Variants in KIAA1671 observed in about 807,000 individuals in gnomAD.
The protein encoded by KIAA1671 is KIAA1671.
A neutral mutation model predicts 131.2 loss-of-function variants in KIAA1671; 52 were observed. The ratio of observed to expected loss-of-function variants is 0.40; its 90% confidence interval spans 0.32 to 0.50. KIAA1671 has a LOEUF of 0.50. Ranked by LOEUF, KIAA1671 falls within the 20% of genes least tolerant of loss-of-function variation. The pLI is 0.73. For missense variants in KIAA1671, 2,360 were observed against 2,364.2 expected (o/e 1.00, Z 0.04); for synonymous variants, 1,003 against 961.6 (o/e 1.04, Z -0.80).
chr22:25,037,843 A>T (rs56171101), intron 4 of KIAA1671, among the ~76,000 whole-genome samples: 13,297 of 151,850 alleles, frequency 0.088, 1,913 homozygotes, highest in African/African-American at 0.3. Flanking sequence ...AATTCCTTTT[A>T]TTTATTTATT....
chr22:25,186,396 A>G (rs1336445916), intron 11 of KIAA1671: 1 of 152,236 alleles, frequency 6.6e-6, no homozygotes, highest in African/African-American at 2.4e-5. Flanking sequence ...ATTGCACTCC[A>G]GCCTGGACTA....
chr22:25,028,976 A>G lies in KIAA1671; in HGVS notation c.977A>G (p.Asp326Gly). The G allele has an allele frequency of 6.5e-7, 1 of 1,537,640 alleles. No individual in the cohort carries two copies. Among genetic ancestry groups the G allele is most frequent in the Non-Finnish European group, 8.8e-7 (1 of 1,140,616 alleles). Residue 326 changes from aspartate (D) to glycine (G), a missense_variant, in exon 3 of 13, where the codon GAC (aspartate) becomes GGC (glycine). Physicochemically the swap from Asp to Gly is moderately conservative, Grantham distance 94. This residue lies in a region of KIAA1671 where 1,185 missense variants were observed against 1,126.2 expected (regional missense o/e 1.05). Transcript: ENST00000358431. ...AGGCCCAGAGCAGCGTCCAAGCTGG[A>G]CAGGGACTGTTTGGTCAAGGCGGAG... ...LERPRAASKL[D>G]RDCLVKAEAP...
intron 6 of KIAA1671, among the ~76,000 whole-genome samples, chr22:25,093,763 TCTCTGTC>T: frequency 1.7e-5 from 2 of 114,790 alleles, no homozygotes; most frequent in Admixed American, 8.2e-5. Flanking sequence ...TCTCTCTCTC[TCTCTGTC>T]TCTCTCTCTC....
At chr22:25,026,624 G>A (rs1048925347) in intron 2 of KIAA1671, among the ~76,000 whole-genome samples, 40 of 152,188 alleles carry the variant, frequency 2.6e-4, no homozygotes, top group Middle Eastern at 3.4e-3. Flanking sequence ...CAGCTACTCC[G>A]GAAGCTGAGG....
chr22:25,174,374 G>A lies in KIAA1671; in HGVS notation c.4784G>A (p.Arg1595Gln), dbSNP rs573991139. Residue 1595 changes from arginine (R) to glutamine (Q), a missense_variant, in exon 8 of 13, where the codon CGG (arginine) becomes CAG (glutamine). Transcript: ENST00000358431. Reference protein sequence around the residue: ...GDQYDCSRDQRSTSVDHSSTD... With the variant: ...GDQYDCSRDQQSTSVDHSSTD... ...CAGTATGACTGCTCCAGGGACCAGC[G>A]GAGCACCAGCGTGGACCACTCCAGC... 71 of 1,551,914 alleles carry A rather than the reference G, an allele frequency of 4.6e-5. 1 individual carries two copies. The South Asian group carries it at 5.1e-4, about 11-fold the overall frequency.
At chr22:24,958,431 C>T (rs1921832366) in intron 1 of KIAA1671, among the ~76,000 whole-genome samples, 1 of 152,014 alleles carries the variant, frequency 6.6e-6, no homozygotes, top group Admixed American at 6.6e-5. Context: ...GGGCGGATCA[C>T]CTGAGGTCAG....
intron 1 of KIAA1671, among the ~76,000 whole-genome samples, chr22:24,963,564 G>A (rs954773426): frequency 5.3e-5 from 8 of 151,892 alleles, no homozygotes; most frequent in Non-Finnish European, 8.8e-5. Context: ...TGTTCAGATG[G>A]GCCACTGTGT....
At chr22:25,083,419 A>G (rs1475610538) in intron 6 of KIAA1671, among the ~76,000 whole-genome samples, 2 of 139,626 alleles carry the variant, frequency 1.4e-5, no homozygotes, top group Admixed American at 6.9e-5. Flanking sequence ...TAGGGCTTCA[A>G]TATGTGAATT....
At chr22:25,052,889 G>A (rs1927615473) in intron 6 of KIAA1671, 1 of 152,070 alleles carries the variant, frequency 6.6e-6, no homozygotes, top group African/African-American at 2.4e-5. Context: ...GCTGATTTTT[G>A]TATTTTCAGT....
intron 6 of KIAA1671, among the ~76,000 whole-genome samples, chr22:25,126,598 G>C (rs905486761): frequency 3.3e-5 from 5 of 152,214 alleles, no homozygotes; most frequent in Admixed American, 1.3e-4. Context: ...TCATGGAGGA[G>C]TTCCTGAGCC....
At chr22:25,177,643 G>A in intron 9 of KIAA1671, 121 bp downstream of exon 9, 1 of 810,390 alleles carries the variant, frequency 1.2e-6, no homozygotes, top group South Asian at 2.4e-5. Flanking sequence ...CAATTACATA[G>A]GAAACTGATT....
chr22:24,974,467 T>A lies in KIAA1671; in HGVS notation c.-208+21695T>A, dbSNP rs557489294. ...GCTTAAGTCATTAGCCCATGGTCAG[T>A]CGGCTAGGAGGTGGTGGAGCTGGGA... On this transcript the variant is annotated intron_variant, in intron 1 of 12. Transcript: ENST00000358431. Among the ~76,000 whole-genome samples, 6 of 152,138 alleles carry A rather than the reference T, an allele frequency of 3.9e-5. No individual in the cohort carries two copies. In the East Asian group the frequency reaches 1.2e-3, roughly 29 times the overall value.
chr22:25,046,359 C>G (rs1034778986), intron 5 of KIAA1671, among the ~76,000 whole-genome samples: 20 of 134,752 alleles, frequency 1.5e-4, no homozygotes, highest in African/African-American at 7.8e-4. Flanking sequence ...GTGAGGGTTT[C>G]TTGATTTACA....
chr22:25,128,060 T>C (rs1932266016), intron 6 of KIAA1671, among the ~76,000 whole-genome samples: 1 of 152,170 alleles, frequency 6.6e-6, no homozygotes, highest in African/African-American at 2.4e-5. Flanking sequence ...AGTTGTGATA[T>C]CCTTGCATTT....
At chr22:25,170,515 AGAG>A (rs1343274132) in intron 6 of KIAA1671, among the ~76,000 whole-genome samples, 1 of 152,232 alleles carries the variant, frequency 6.6e-6, no homozygotes, top group African/African-American at 2.4e-5. Context: ...TGAGGAGGAG[AGAG>A]GGCCATTGAG....
intron 6 of KIAA1671, among the ~76,000 whole-genome samples, chr22:25,131,665 C>T (rs9612872): frequency 0.048 from 7,328 of 152,314 alleles, 254 homozygotes; most frequent in Non-Finnish European, 0.075. Flanking sequence ...TTTTGTTTGT[C>T]GTGTGGGGCA....
At chr22:24,975,215 A>G (rs1922851527) in intron 1 of KIAA1671, among the ~76,000 whole-genome samples, 1 of 152,146 alleles carries the variant, frequency 6.6e-6, no homozygotes, top group Non-Finnish European at 1.5e-5. Context: ...TTTCATGTAA[A>G]TTAGATCATA....
At chr22:25,058,464 T>G (rs900959487) in intron 6 of KIAA1671, 7 of 152,216 alleles carry the variant, frequency 4.6e-5, no homozygotes, top group African/African-American at 1.2e-4. Context: ...CTGGCAATCT[T>G]GAATAGTCTT....
In KIAA1671 at chr22:25,028,663, A is replaced by T; in HGVS notation, c.664A>T (p.Ser222Cys). 3 of 1,550,826 alleles carry T rather than the reference A, an allele frequency of 1.9e-6. No homozygotes were observed. The highest frequency in any genetic ancestry group is 2.6e-6 in the Non-Finnish European group (3 of 1,146,906). Residue 222 changes from serine to cysteine, a missense_variant, in exon 3 of 13, where the codon AGC (serine) becomes TGC (cysteine). Around this residue, in one of 3 missense-constraint regions of KIAA1671, gnomAD observed 1,185 missense variants for 1,126.2 expected, o/e 1.05. Transcript: ENST00000358431. ...CCAAGACCATCCTCCCTCAAAGGCC[A>T]GCAGTGTGGAGGACACGGCACGCCC... Reference protein sequence around the residue: ...AGQDHPPSKASSVEDTARPLV... With the variant: ...AGQDHPPSKACSVEDTARPLV...
Sources: gnomAD v4.1 joint callset for allele counts (sites outside exome capture counted in the v4.1 genomes callset) on GRCh38, gnomAD v4.1.1 for gene constraint, gnomAD v4.1.1 regional missense constraint, MANE v1.5 for transcripts, NCBI Gene and HGNC (gene_info 2026-07-23, HGNC 2026-07-21) for gene names.